SOX5: variants seen among roughly 807,000 people sequenced by gnomAD.
The protein encoded by SOX5 is transcription factor SOX-5.
SOX5 carries 9 observed loss-of-function variants against 92.0 expected under a neutral mutation model. The observed-to-expected ratio is 0.10, with a 90% CI of 0.06 to 0.17. The LOEUF (loss-of-function observed/expected upper bound fraction) is 0.17, where lower values mean the gene tolerates loss of function less well. SOX5 is among the 10% of genes least tolerant of loss of function. The pLI is 1.00. For synonymous variants in SOX5, 344 were observed against 336.3 expected, an observed-to-expected ratio of 1.02 and a Z score of -0.25; for missense variants, 642 against 944.5, an observed-to-expected ratio of 0.68 and a Z score of 4.20.
At chr12:24,318,110 G>A (rs969199024) in intron 2 of SOX5, among the ~76,000 whole-genome samples, 8 of 152,114 alleles carry the variant, frequency 5.3e-5, no homozygotes, top group African/African-American at 1.9e-4. Flanking sequence ...TCAGGAGGCT[G>A]AGGCATGAGA....
At chr12:24,536,123 G>A (rs996871884) in intron 1 of SOX5, among the ~76,000 whole-genome samples, 1 of 152,186 alleles carries the variant, frequency 6.6e-6, no homozygotes, top group South Asian at 2.1e-4. Context: ...GGTGAGCTCC[G>A]TAGCTCCCCA....
chr12:24,429,373 G>A (rs1425015933), intron 1 of SOX5, among the ~76,000 whole-genome samples: 2 of 151,738 alleles, frequency 1.3e-5, no homozygotes, highest in African/African-American at 2.4e-5. Context: ...AAAGGTGTTG[G>A]AATAGTATGA....
chr12:23,552,737 C>G (rs1359979064), intron 11 of SOX5, among the ~76,000 whole-genome samples: 2 of 151,902 alleles, frequency 1.3e-5, no homozygotes. Context: ...TGGGCTGTCT[C>G]AGGATGGAAG....
At chr12:23,881,450 C>G (rs1186856831) in intron 2 of SOX5, among the ~76,000 whole-genome samples, 1 of 152,160 alleles carries the variant, frequency 6.6e-6, no homozygotes, top group Non-Finnish European at 1.5e-5. Flanking sequence ...TGACAAGGGA[C>G]ATACAATACA....
At chr12:24,028,798 A>T (rs1186077796) in intron 4 of SOX5, among the ~76,000 whole-genome samples, 1 of 152,020 alleles carries the variant, frequency 6.6e-6, no homozygotes, top group Non-Finnish European at 1.5e-5. Flanking sequence ...GTCCCTTTGG[A>T]TGACATAATT....
intron 8 of SOX5, among the ~76,000 whole-genome samples, chr12:23,607,038 T>C (rs1295449466): frequency 6.6e-6 from 1 of 152,180 alleles, no homozygotes; most frequent in Non-Finnish European, 1.5e-5. Flanking sequence ...ATTAGGTTGC[T>C]CTTCTCTCCC....
At chr12:24,192,496 A>C (rs1162438660) in intron 4 of SOX5, among the ~76,000 whole-genome samples, 1 of 152,224 alleles carries the variant, frequency 6.6e-6, no homozygotes, top group Non-Finnish European at 1.5e-5. Context: ...GCATACAATT[A>C]ATGTTGGTTT....
At chr12:24,485,542 A>G (rs1304945772) in intron 1 of SOX5, among the ~76,000 whole-genome samples, 2 of 152,174 alleles carry the variant, frequency 1.3e-5, no homozygotes, top group African/African-American at 4.8e-5. Context: ...ACTACTCTGT[A>G]ACTGGTTTTC....
chr12:24,464,167 C>T (rs1450562583), intron 1 of SOX5, among the ~76,000 whole-genome samples: 1 of 152,008 alleles, frequency 6.6e-6, no homozygotes, highest in Non-Finnish European at 1.5e-5. Flanking sequence ...AAAAATATAC[C>T]TAAGTATGTG....
intron 4 of SOX5, among the ~76,000 whole-genome samples, chr12:24,163,032 G>A (rs1042187263): frequency 6.6e-5 from 10 of 152,036 alleles, no homozygotes; most frequent in Non-Finnish European, 1.3e-4. Flanking sequence ...TCTTCCTAAC[G>A]AGGCCCTAAG....
At chr12:24,281,222 T>C (rs972943890) in intron 2 of SOX5, among the ~76,000 whole-genome samples, 3 of 107,038 alleles carry the variant, frequency 2.8e-5, no homozygotes, top group Non-Finnish European at 5.6e-5. Flanking sequence ...TATACGGTTA[T>C]AAAATTACCA....
Position 23,994,772 on chromosome 12 carries a change from G to T in SOX5, c.-1-98748C>A, listed in dbSNP as rs184584177. On this transcript the variant is annotated intron_variant, in intron 4 of 4. Transcript: ENST00000446891. Reference sequence around the variant, plus strand: ...TCCACCATTATGGTCACTAGATGAGGTTTACCAGCAAATTTCCCAAACCTT... The same window carrying T: ...TCCACCATTATGGTCACTAGATGAGTTTTACCAGCAAATTTCCCAAACCTT... Among the ~76,000 whole-genome samples, 503 of 152,222 alleles carry T rather than the reference G, an allele frequency of 3.3e-3. 7 individuals carry two copies. The highest frequency in any genetic ancestry group is 0.012 in the African/African-American group (481 of 41,526).
intron 4 of SOX5, among the ~76,000 whole-genome samples, chr12:24,046,695 C>A (rs1470694884): frequency 8.8e-6 from 1 of 113,302 alleles, no homozygotes; most frequent in Non-Finnish European, 1.8e-5. Context: ...TTTTTTGAGA[C>A]AGAGTCTTGC....
chr12:24,311,585 T>A (rs964940595), intron 2 of SOX5, among the ~76,000 whole-genome samples: 1 of 152,184 alleles, frequency 6.6e-6, no homozygotes, highest in Non-Finnish European at 1.5e-5. Flanking sequence ...GCAAAATAAA[T>A]ACAATTTAGT....
chr12:24,369,548 T>C (rs1956512323), intron 1 of SOX5, among the ~76,000 whole-genome samples: 1 of 152,202 alleles, frequency 6.6e-6, no homozygotes, highest in Non-Finnish European at 1.5e-5. Context: ...GACTCCATGG[T>C]GAGGACAACA....
chr12:24,134,753 G>A (rs950480058), intron 4 of SOX5, among the ~76,000 whole-genome samples: 1 of 152,148 alleles, frequency 6.6e-6, no homozygotes, highest in African/African-American at 2.4e-5. Context: ...GGCAAAGAAA[G>A]CTGCCCAAAG....
chr12:24,199,717 A>T (rs192982568), intron 4 of SOX5, among the ~76,000 whole-genome samples: 2 of 152,276 alleles, frequency 1.3e-5, no homozygotes, highest in East Asian at 3.9e-4. Context: ...GCTAAAGCCA[A>T]ATGATGGCAA....
At chr12:24,443,998 G>C (rs1056323176) in intron 1 of SOX5, among the ~76,000 whole-genome samples, 45 of 152,250 alleles carry the variant, frequency 3.0e-4, no homozygotes, top group Admixed American at 2.9e-3. Flanking sequence ...TTAAACTAGC[G>C]TTTACCTACC....
In SOX5 at chr12:23,718,336, A is replaced by C. The variant is rs550624163; in HGVS notation, c.810+16348T>G. ...TTAAATATCCAAGAATTATTCCTTC[A>C]TGAAGACATTTCCATTTCATTTTGA... On this transcript the variant is annotated intron_variant, in intron 6 of 14. Transcript: ENST00000451604. Among the ~76,000 whole-genome samples, 11 of 152,336 alleles carry C rather than the reference A, an allele frequency of 7.2e-5. No individual in the cohort carries two copies. In the South Asian group the frequency reaches 2.3e-3, roughly 32 times the overall value.
Sources: gnomAD v4.1 joint callset for allele counts (sites outside exome capture counted in the v4.1 genomes callset) on GRCh38, gnomAD v4.1.1 for gene constraint, MANE v1.5 for transcripts, NCBI Gene and HGNC (gene_info 2026-07-23, HGNC 2026-07-21) for gene names.